Variants in ANK3 observed in about 807,000 individuals in gnomAD.
ANK3 encodes the protein ankyrin 3.
In ANK3, 57 loss-of-function variants were observed where a neutral mutation model predicts 370.9. The ratio of observed to expected loss-of-function variants is 0.15; its 90% CI spans 0.12 to 0.19. The LOEUF is 0.19. Among genes scored for constraint, ANK3 ranks in the 10% least tolerant of loss-of-function variants. The pLI is 1.00. For synonymous variants in ANK3, 1,929 were observed against 1,946.3 expected (o/e 0.99, Z 0.23); for missense variants, 4,439 against 5,302.1 (o/e 0.84, Z 5.06).
rs141672212 is a variant in ANK3 at position 60,256,571 on chromosome 10, G to A, written c.798+5288C>T. ...TGCATGACACTGAAGTTTGGTGTAC[G>A]AAAGATCTCATCACCTAGGTTGTGA... On this transcript the variant is annotated intron_variant, in intron 7 of 43. Coordinates refer to ENST00000280772, the MANE Select transcript of ANK3 (RefSeq NM_020987.5). 1.1e-3 allele frequency among the ~76,000 whole-genome samples: 171 copies of A among 152,272 alleles called. 2 individuals carry two copies. The East Asian group carries it at 0.017, about 15-fold the overall frequency.
intron 2 of ANK3, among the ~76,000 whole-genome samples, chr10:60,429,584 T>C (rs917236770): frequency 3.4e-4 from 52 of 152,314 alleles, no homozygotes; most frequent in African/African-American, 1.1e-3. Context: ...AGAATAGAGA[T>C]GAACAGTGGG....
chr10:60,710,879 G>T (rs1448307448), intron 1 of ANK3, among the ~76,000 whole-genome samples: 1 of 152,192 alleles, frequency 6.6e-6, no homozygotes, highest in African/African-American at 2.4e-5. Context: ...TGATGTTCTG[G>T]CTCAACTAGT....
At chr10:60,195,371 T>C (rs1200985144) in intron 16 of ANK3, among the ~76,000 whole-genome samples, 7 of 140,124 alleles carry the variant, frequency 5.0e-5, no homozygotes, top group Non-Finnish European at 7.5e-5. Context: ...GAGACAGAGC[T>C]AGTCTCCGTC....
intron 2 of ANK3, among the ~76,000 whole-genome samples, chr10:60,534,174 G>T (rs2076670299): frequency 4.6e-5 from 7 of 152,130 alleles, no homozygotes; most frequent in Admixed American, 4.6e-4. Flanking sequence ...GACCTCTGTG[G>T]TTCCCCAAAT....
chr10:60,187,884 A>C (rs1383022953), intron 16 of ANK3, among the ~76,000 whole-genome samples: 1 of 152,160 alleles, frequency 6.6e-6, no homozygotes, highest in Non-Finnish European at 1.5e-5. Flanking sequence ...AGCAGCCAGC[A>C]TCTGTCAGCT....
At chr10:60,034,746 G>C (rs2074525189) in intron 43 of ANK3, among the ~76,000 whole-genome samples, 1 of 152,026 alleles carries the variant, frequency 6.6e-6, no homozygotes, top group Admixed American at 6.6e-5. Flanking sequence ...GGACAAAGAG[G>C]TCTTTACTCT....
intron 23 of ANK3, chr10:60,140,663 T>A: frequency 7.5e-7 from 1 of 1,326,986 alleles, no homozygotes; most frequent in Non-Finnish European, 9.6e-7. Context: ...TTCGCAGACA[T>A]CCTTTTAAAG....
At chr10:60,573,677 GT>G (rs2077645987) in intron 2 of ANK3, among the ~76,000 whole-genome samples, 1 of 152,196 alleles carries the variant, frequency 6.6e-6, no homozygotes, top group Non-Finnish European at 1.5e-5. Context: ...ATTATGAGCT[GT>G]CATTTAAGCA....
At chr10:60,713,137 T>C (rs2079733399) in intron 1 of ANK3, among the ~76,000 whole-genome samples, 1 of 152,178 alleles carries the variant, frequency 6.6e-6, no homozygotes, top group South Asian at 2.1e-4. Context: ...GTACTTCATC[T>C]AACAACAGCA....
chr10:60,270,639 T>C (rs2132672582), intron 4 of ANK3, among the ~76,000 whole-genome samples: 1 of 152,302 alleles, frequency 6.6e-6, no homozygotes, highest in South Asian at 2.1e-4. Flanking sequence ...CTCCCAAGCA[T>C]CAATTATCTG....
intron 1 of ANK3, among the ~76,000 whole-genome samples, chr10:60,292,962 G>A (rs1432477799): frequency 6.6e-6 from 1 of 152,118 alleles, no homozygotes; most frequent in Non-Finnish European, 1.5e-5. Flanking sequence ...ACCTGCCTTG[G>A]CCTCCCAAAG....
At chr10:60,649,557 T>G (rs1420855308) in intron 1 of ANK3, among the ~76,000 whole-genome samples, 1 of 152,204 alleles carries the variant, frequency 6.6e-6, no homozygotes, top group African/African-American at 2.4e-5. Flanking sequence ...CAGCTCAACA[T>G]ATTTTTGATA....
intron 1 of ANK3, among the ~76,000 whole-genome samples, chr10:60,346,289 C>T (rs760484071): frequency 2.1e-5 from 2 of 95,594 alleles, no homozygotes; most frequent in African/African-American, 5.9e-5. Context: ...CTATATGGCA[C>T]ACAAAAAAGG....
At chr10:60,679,013 G>A (rs1355392128) in intron 1 of ANK3, among the ~76,000 whole-genome samples, 53 of 152,092 alleles carry the variant, frequency 3.5e-4, no homozygotes, top group Non-Finnish European at 1.5e-5. Context: ...CAAGAAAGAT[G>A]CTTGGTAAAG....
At chr10:60,264,805 T>A (rs566539298) in intron 5 of ANK3, among the ~76,000 whole-genome samples, 13 of 152,276 alleles carry the variant, frequency 8.5e-5, no homozygotes, top group African/African-American at 3.1e-4. Context: ...GCTGTCAGGA[T>A]AGGTGAATTC....
chr10:60,204,430 T>C (rs1287004932), intron 11 of ANK3, among the ~76,000 whole-genome samples: 1 of 152,208 alleles, frequency 6.6e-6, no homozygotes, highest in Non-Finnish European at 1.5e-5. Context: ...TTCTATTTTA[T>C]ACTTAAAAAT....
At chr10:60,198,651 G>T in intron 13 of ANK3, 114 bp from the exon 14 acceptor site, 2 of 903,334 alleles carry the variant, frequency 2.2e-6, no homozygotes, top group Non-Finnish European at 3.5e-6. Flanking sequence ...AACTTTTTGA[G>T]TCAATGCTAA....
chr10:60,356,489 C>T (rs2057765938), intron 1 of ANK3, among the ~76,000 whole-genome samples: 3 of 152,196 alleles, frequency 2.0e-5, no homozygotes, highest in Admixed American at 1.3e-4. Context: ...GGACTCCTAG[C>T]TCATGAAGCT....
At chr10:60,702,908 C>G (rs1188263421) in intron 1 of ANK3, among the ~76,000 whole-genome samples, 1 of 152,068 alleles carries the variant, frequency 6.6e-6, no homozygotes, top group Non-Finnish European at 1.5e-5. Context: ...AAGCTTGAAT[C>G]TGATAGAGCT....
Sources: allele counts gnomAD v4.1 joint callset (sites outside exome capture counted in the v4.1 genomes callset), GRCh38; gene constraint gnomAD v4.1.1; transcripts MANE v1.5; gene names NCBI Gene and HGNC (gene_info 2026-07-23, HGNC 2026-07-21).